Variants in GK observed in about 807,000 individuals in gnomAD.
GK encodes ATP:glycerol 3-phosphotransferase.
In GK, 9 loss-of-function variants were observed where a neutral mutation model predicts 56.4. The ratio of observed to expected loss-of-function variants is 0.16; its 90% CI spans 0.10 to 0.28. GK has a LOEUF of 0.28. Among genes scored for constraint, GK ranks in the 10% least tolerant of loss-of-function variants. GK has a pLI of 1.00. For synonymous variants in GK, 104 were observed against 144.1 expected (o/e 0.72, Z 1.99); for missense variants, 161 against 431.4 (o/e 0.37, Z 5.55).
At chrX:30,710,749 A>C (rs180824045) in intron 13 of GK, among the ~76,000 whole-genome samples, 3 of 111,573 alleles carry the variant, frequency 2.7e-5, no homozygotes, top group Non-Finnish European at 5.7e-5. Context: ...TCCTCTGCTG[A>C]TTTGGGAACA....
intron 1 of GK, among the ~76,000 whole-genome samples, chrX:30,662,178 A>C (rs1932780543): frequency 9.4e-6 from 1 of 106,827 alleles, no homozygotes; most frequent in East Asian, 2.9e-4. Flanking sequence ...GACTTAGTAA[A>C]AACAAATCAT....
chrX:30,663,362 A>G (rs1601871095), intron 1 of GK, among the ~76,000 whole-genome samples: 1 of 111,794 alleles, frequency 8.9e-6, no homozygotes, highest in Admixed American at 9.5e-5. Flanking sequence ...TGTTTTTTGG[A>G]CATTCAACAA....
intron 12 of GK, 21 bp from the exon 13 acceptor site, chrX:30,708,030 ATCT>A: frequency 9.9e-7 from 1 of 1,007,458 alleles, no homozygotes. Context: ...CACTACTGAA[ATCT>A]TTTTTTTTTC....
At chrX:30,654,139 A>G (rs1220041254) in intron 1 of GK, among the ~76,000 whole-genome samples, 1 of 112,425 alleles carries the variant, frequency 8.9e-6, no homozygotes, top group Non-Finnish European at 1.9e-5. Context: ...CAGAGGGTTG[A>G]ATACTGGGGA....
chrX:30,673,760 T>C (rs775058288), intron 3 of GK, among the ~76,000 whole-genome samples: 16 of 111,882 alleles, frequency 1.4e-4, no homozygotes, highest in African/African-American at 5.2e-4. Context: ...AAAGTTAAAA[T>C]GACCTGGTAA....
chrX:30,655,191 G>GAATATAAACAT (rs1159398721), intron 1 of GK, among the ~76,000 whole-genome samples: 468 of 112,217 alleles, frequency 4.2e-3, no homozygotes, highest in Non-Finnish European at 7.1e-3. Context: ...GTTTCACTTT[G>GAATATAAACAT]TCTTATATTC....
chrX:30,658,186 T>G (rs1247527017), intron 1 of GK, among the ~76,000 whole-genome samples: 1 of 112,739 alleles, frequency 8.9e-6, no homozygotes, highest in Non-Finnish European at 1.9e-5. Flanking sequence ...TTTCCTTCAT[T>G]TATGTATTCA....
intron 1 of GK, among the ~76,000 whole-genome samples, chrX:30,656,444 T>G (rs958043305): frequency 5.3e-5 from 6 of 112,172 alleles, no homozygotes; most frequent in African/African-American, 1.9e-4. Context: ...TTAGCAATAT[T>G]AGCTTTCTCC....
chrX:30,720,000 C>G lies in GK; in HGVS notation c.1152-11C>G. The G allele has an allele frequency of 9.1e-7, 1 of 1,094,293 alleles. No individual in the cohort carries two copies. Among genetic ancestry groups the G allele is most frequent in the South Asian group, 1.8e-5 (1 of 54,455 alleles). 90.2% of individuals were successfully genotyped at this position (1,094,293 alleles called of 1,213,427 possible). A position where few individuals can be genotyped will look rare whatever the true frequency, so the allele number is the denominator to read the frequency against. On this transcript the variant is annotated splice_polypyrimidine_tract_variant and intron_variant, in intron 15 of 20. Coordinates refer to ENST00000427190, the MANE Select transcript of GK (RefSeq NM_001205019.2). Reference sequence around the variant, plus strand: ...TCATTCTAATCTGAAAATCTTTGTGCGTATTTTTAGGATAATCTGTGGACT... The same window carrying G: ...TCATTCTAATCTGAAAATCTTTGTGGGTATTTTTAGGATAATCTGTGGACT...
intron 20 of GK, among the ~76,000 whole-genome samples, chrX:30,728,381 T>G (rs1285768461): frequency 9.0e-6 from 1 of 111,321 alleles, no homozygotes; most frequent in African/African-American, 3.3e-5. Context: ...AGGCCTTGTT[T>G]CTATGAAAAT....
At chrX:30,690,803 A>G (rs1281357806) in intron 4 of GK, among the ~76,000 whole-genome samples, 2 of 111,891 alleles carry the variant, frequency 1.8e-5, no homozygotes, top group Non-Finnish European at 1.9e-5. Context: ...GGCCTCATGT[A>G]TACTTAGAAA....
At position 30,720,362 on chromosome X, in the gene GK, A is replaced by G. The variant is rs764054025; in HGVS notation, c.1237-259A>G. Among the ~76,000 whole-genome samples, 11 of 111,753 alleles carry G rather than the reference A, an allele frequency of 9.8e-5. 1 individual carries two copies. The highest frequency in any genetic ancestry group is 1.7e-4 in the Non-Finnish European group (9 of 53,206). On this transcript the variant is annotated intron_variant, in intron 16 of 20. Transcript: ENST00000427190. ...ATTAGGCAAAGGAAACAGCACAAAC[A>G]TAGGCATCAAGGCAGAAAAACAGGG...
intron 16 of GK, among the ~76,000 whole-genome samples, chrX:30,720,399 G>C (rs994941284): frequency 9.0e-6 from 1 of 111,324 alleles, no homozygotes; most frequent in East Asian, 2.8e-4. Context: ...GCAAAATAGA[G>C]TTGTATAGCT....
chrX:30,682,680 T>C (rs756393252), intron 4 of GK, among the ~76,000 whole-genome samples: 1 of 112,481 alleles, frequency 8.9e-6, no homozygotes, highest in South Asian at 3.7e-4. Flanking sequence ...GAACTTCTTT[T>C]GCTTTGTTTA....
chrX:30,671,890 T>TCAAA (rs1933533272), intron 3 of GK: 1 of 111,082 alleles, frequency 9.0e-6, no homozygotes, highest in Admixed American at 9.6e-5. Context: ...ACACCTGTAA[T>TCAAA]CCCAGTACTT....
intron 20 of GK, 81 bp downstream of exon 20, chrX:30,727,633 T>G (rs1937194870): frequency 4.9e-6 from 3 of 616,031 alleles, no homozygotes; most frequent in Non-Finnish European, 8.0e-6. Context: ...TTTTTCAGTG[T>G]TTTTCATTCT....
Position 30,653,579 on chromosome X carries a change from G to A in GK, c.42G>A (p.Gly14=). The change falls in exon 1 of 21, where the codon GGG becomes GGA. Residue 14 remains glycine (G), a synonymous_variant. Coordinates refer to ENST00000427190, the MANE Select transcript of GK (RefSeq NM_001205019.2). Reference sequence around the variant, plus strand: ...AGGCAGTTTTGGGGCCATTGGTGGGGGCGGTGGACCAGGGCACCAGTTCGA... The same window carrying A: ...AGGCAGTTTTGGGGCCATTGGTGGGAGCGGTGGACCAGGGCACCAGTTCGA... ...SKKAVLGPLV[G]AVDQGTSSTR... 14 of 1,211,498 alleles carry A rather than the reference G, an allele frequency of 1.2e-5. No individual in the cohort carries two copies. Among genetic ancestry groups the A allele is most frequent in the Non-Finnish European group, 1.6e-5 (14 of 894,881 alleles).
intron 20 of GK, among the ~76,000 whole-genome samples, chrX:30,727,842 A>C (rs771601182): frequency 3.6e-5 from 4 of 111,629 alleles, no homozygotes; most frequent in Admixed American, 9.6e-5. Flanking sequence ...ATTTAAATGA[A>C]AGGACTTTCA....
intron 11 of GK, among the ~76,000 whole-genome samples, chrX:30,705,554 A>G (rs993422164): frequency 8.9e-6 from 1 of 111,996 alleles, no homozygotes; most frequent in African/African-American, 3.2e-5. Flanking sequence ...TCTGATAGTC[A>G]TGAAGGAGAG....
Sources: gnomAD v4.1 joint callset for allele counts (sites outside exome capture counted in the v4.1 genomes callset) on GRCh38, gnomAD v4.1.1 for gene constraint, MANE v1.5 for transcripts, NCBI Gene and HGNC (gene_info 2026-07-23, HGNC 2026-07-21) for gene names.